The following SLC35F4 variants were observed in gnomAD, a reference collection of about 807,000 sequenced individuals.
SLC35F4 encodes solute carrier family 35 member F4.
A neutral mutation model predicts 44.2 loss-of-function variants in SLC35F4; 24 were observed. The observed-to-expected ratio is 0.54, with a 90% CI of 0.39 to 0.76. The LOEUF (loss-of-function observed/expected upper bound fraction) is 0.76. Ranked by LOEUF, SLC35F4 falls within the 30% of genes least tolerant of loss-of-function variation. The pLI is 0.00. For missense variants in SLC35F4, 562 were observed against 586.1 expected, an observed-to-expected ratio of 0.96 and a Z score of 0.42; for synonymous variants, 238 against 223.6, an observed-to-expected ratio of 1.06 and a Z score of -0.57.
At chr14:57,874,873 TC>T (rs991592039) in intron 1 of SLC35F4, among the ~76,000 whole-genome samples, 65 of 152,318 alleles carry the variant, frequency 4.3e-4, no homozygotes, top group Middle Eastern at 3.4e-3. Context: ...ATGTCTATTT[TC>T]CAAAGTTTGT....
chr14:57,787,814 T>A (rs568831231), intron 1 of SLC35F4, among the ~76,000 whole-genome samples: 2 of 152,260 alleles, frequency 1.3e-5, no homozygotes, highest in South Asian at 4.1e-4. Context: ...CTTTAAAGAA[T>A]AAATCACACA....
chr14:57,728,111 G>C (rs1236965866), intron 1 of SLC35F4, among the ~76,000 whole-genome samples: 2 of 152,134 alleles, frequency 1.3e-5, no homozygotes, highest in Non-Finnish European at 2.9e-5. Flanking sequence ...CCCTTGCTAA[G>C]TTGACCCCTT....
At chr14:57,701,911 G>A (rs2075552306) in intron 1 of SLC35F4, among the ~76,000 whole-genome samples, 1 of 152,058 alleles carries the variant, frequency 6.6e-6, no homozygotes, top group South Asian at 2.1e-4. Flanking sequence ...TGTGAAAATA[G>A]AAATTGTGGA....
At chr14:57,829,765 G>A (rs1157995267) in intron 1 of SLC35F4, among the ~76,000 whole-genome samples, 2 of 152,158 alleles carry the variant, frequency 1.3e-5, no homozygotes, top group South Asian at 2.1e-4. Context: ...GTGTGATTCT[G>A]AGTCTTTTAA....
intron 1 of SLC35F4, among the ~76,000 whole-genome samples, chr14:57,956,984 T>A (rs1298541327): frequency 2.0e-5 from 3 of 152,126 alleles, no homozygotes; most frequent in Non-Finnish European, 4.4e-5. Context: ...TAAAGACACA[T>A]GCACATGTAT....
At chr14:57,802,830 G>A (rs938016152) in intron 1 of SLC35F4, among the ~76,000 whole-genome samples, 5 of 151,760 alleles carry the variant, frequency 3.3e-5, no homozygotes, top group African/African-American at 1.2e-4. Context: ...TAAGTAGCAA[G>A]CAAAAAACAC....
intron 1 of SLC35F4, among the ~76,000 whole-genome samples, chr14:57,820,793 C>G (rs1387762435): frequency 6.6e-6 from 1 of 152,118 alleles, no homozygotes; most frequent in Non-Finnish European, 1.5e-5. Context: ...TAAGGATCAT[C>G]AGACTTACAA....
intron 1 of SLC35F4, among the ~76,000 whole-genome samples, chr14:57,646,537 G>A (rs138950639): frequency 5.0e-4 from 76 of 151,938 alleles, no homozygotes; most frequent in Middle Eastern, 6.8e-3. Flanking sequence ...AGTTGCTAGC[G>A]GTCTATCTAT....
intron 1 of SLC35F4, among the ~76,000 whole-genome samples, chr14:57,916,976 T>C (rs1889341735): frequency 6.6e-6 from 1 of 152,172 alleles, no homozygotes; most frequent in Non-Finnish European, 1.5e-5. Flanking sequence ...CCATTATTAC[T>C]TTTTTATTCT....
intron 1 of SLC35F4, among the ~76,000 whole-genome samples, chr14:57,939,369 G>A (rs1248977797): frequency 6.6e-6 from 1 of 152,168 alleles, no homozygotes; most frequent in Non-Finnish European, 1.5e-5. Flanking sequence ...CAAGGAGCAT[G>A]ACCACAGCCT....
At chr14:57,607,243 T>G (rs1159694051) in intron 1 of SLC35F4, among the ~76,000 whole-genome samples, 1 of 152,048 alleles carries the variant, frequency 6.6e-6, no homozygotes, top group Non-Finnish European at 1.5e-5. Context: ...CAGAAAGAAA[T>G]AAATGGGCAG....
chr14:57,876,528 T>C (rs1412926800), intron 1 of SLC35F4, among the ~76,000 whole-genome samples: 1 of 152,160 alleles, frequency 6.6e-6, no homozygotes, highest in Non-Finnish European at 1.5e-5. Context: ...TGCAACCAAA[T>C]ACTCAAAGAT....
intron 1 of SLC35F4, among the ~76,000 whole-genome samples, chr14:57,958,121 A>T (rs1890274364): frequency 6.6e-6 from 1 of 152,014 alleles, no homozygotes; most frequent in Non-Finnish European, 1.5e-5. Context: ...AGTGGCGCGA[A>T]ATCTCAGCTC....
chr14:57,623,052 T>C (rs1353244254), intron 1 of SLC35F4, among the ~76,000 whole-genome samples: 2 of 152,100 alleles, frequency 1.3e-5, no homozygotes, highest in African/African-American at 4.8e-5. Context: ...ATCAGTGTGC[T>C]GTATTCAGAA....
chr14:57,780,493 G>T (rs1348956814), intron 1 of SLC35F4, among the ~76,000 whole-genome samples: 1 of 152,076 alleles, frequency 6.6e-6, no homozygotes, highest in Non-Finnish European at 1.5e-5. Flanking sequence ...AATCAATATT[G>T]TTAAAATGGC....
chr14:57,854,109 T>C (rs1886849068), intron 1 of SLC35F4, among the ~76,000 whole-genome samples: 1 of 152,144 alleles, frequency 6.6e-6, no homozygotes, highest in Non-Finnish European at 1.5e-5. Flanking sequence ...TCCTGAAATG[T>C]TAGGTGGGAA....
intron 1 of SLC35F4, among the ~76,000 whole-genome samples, chr14:57,821,590 C>T (rs1033841326): frequency 1.3e-5 from 2 of 152,174 alleles, no homozygotes; most frequent in Admixed American, 6.5e-5. Flanking sequence ...ATAACTTGTC[C>T]ATTCAAGTAA....
intron 1 of SLC35F4, among the ~76,000 whole-genome samples, chr14:57,718,273 C>T (rs2075994436): frequency 6.6e-6 from 1 of 152,158 alleles, no homozygotes; most frequent in Non-Finnish European, 1.5e-5. Context: ...ACTTCCAAAT[C>T]TTGACTATTG....
At chr14:57,758,120 T>G (rs1234569978) in intron 1 of SLC35F4, among the ~76,000 whole-genome samples, 2 of 151,996 alleles carry the variant, frequency 1.3e-5, no homozygotes, top group Non-Finnish European at 1.5e-5. Context: ...GCAGACACTC[T>G]TATTTTTTTC....
Sources: allele counts gnomAD v4.1 joint callset (sites outside exome capture counted in the v4.1 genomes callset), GRCh38; gene constraint gnomAD v4.1.1; transcripts MANE v1.5; gene names NCBI Gene and HGNC (gene_info 2026-07-23, HGNC 2026-07-21).